PRKG1: variants seen among roughly 807,000 people sequenced by gnomAD.
The protein encoded by PRKG1 is protein kinase cGMP-dependent 1, also known as cGMP-dependent protein kinase 1.
In PRKG1, 35 loss-of-function variants were observed where a neutral mutation model predicts 88.1. The ratio of observed to expected loss-of-function variants is 0.40; its 90% confidence interval spans 0.30 to 0.53. The LOEUF (loss-of-function observed/expected upper bound fraction) is 0.53. Ranked by LOEUF, PRKG1 falls within the 20% of genes least tolerant of loss-of-function variation. PRKG1 has a pLI of 0.59. For missense variants in PRKG1, 540 were observed against 839.8 expected (o/e 0.64, Z 4.41); for synonymous variants, 303 against 292.5 (o/e 1.04, Z -0.37).
At chr10:51,638,581 G>A (rs912461654) in intron 3 of PRKG1, among the ~76,000 whole-genome samples, 1 of 152,100 alleles carries the variant, frequency 6.6e-6, no homozygotes, top group Non-Finnish European at 1.5e-5. Context: ...TGTCTCTGAT[G>A]TTCATGTACT....
At position 51,194,084 on chromosome 10, in the gene PRKG1, T is replaced by G. The variant is rs527347929; in HGVS notation, c.478+40754T>G. Among the ~76,000 whole-genome samples, 8 of 152,290 alleles carry G rather than the reference T, an allele frequency of 5.3e-5. No individual in the cohort carries two copies. The South Asian group carries it at 1.7e-3, about 32-fold the overall frequency. ...ATTTCAAATTGTTTTTCATATCTCT[T>G]AACTATGTTATCACTTTTTCTCATA... is the stretch of plus-strand genomic sequence containing the variant. On this transcript the variant is annotated intron_variant, in intron 2 of 17. Transcript: ENST00000373980.
chr10:51,942,769 A>G (rs1382159655), intron 5 of PRKG1, among the ~76,000 whole-genome samples: 12 of 150,852 alleles, frequency 8.0e-5, no homozygotes, highest in East Asian at 7.8e-4. Flanking sequence ...TTGTAGATAT[A>G]TGGCATTATT....
chr10:51,352,318 C>T (rs1200327663), intron 2 of PRKG1, among the ~76,000 whole-genome samples: 1 of 151,244 alleles, frequency 6.6e-6, no homozygotes, highest in Middle Eastern at 3.2e-3. Flanking sequence ...GATAGCATTG[C>T]CTCTATAAAT....
Position 51,800,024 on chromosome 10 carries a change from A to C in PRKG1, c.593-4561A>C, listed in dbSNP as rs1267728746. Among the ~76,000 whole-genome samples, 4 of 152,106 alleles carry C rather than the reference A, an allele frequency of 2.6e-5. No homozygotes were observed. In the East Asian group the frequency reaches 7.7e-4, roughly 29 times the overall value. On this transcript the variant is annotated intron_variant, in intron 3 of 17. Transcript: ENST00000373980. The stretch of plus-strand genomic sequence containing the variant: ...TAGAGTCAGCTCTAGTAACTGCCAT[A>C]ATTTTGAAGTAGTGATGAATGTAAA...
intron 9 of PRKG1, among the ~76,000 whole-genome samples, chr10:52,216,588 C>T (rs1379115106): frequency 6.6e-6 from 1 of 152,142 alleles, no homozygotes; most frequent in Non-Finnish European, 1.5e-5. Flanking sequence ...GAATTAGATG[C>T]AGTTAATACA....
intron 2 of PRKG1, among the ~76,000 whole-genome samples, chr10:51,170,689 C>A (rs920952609): frequency 3.2e-4 from 43 of 133,548 alleles, no homozygotes; most frequent in African/African-American, 1.2e-3. Context: ...AGCTCTGAGT[C>A]AGGATTATGA....
intron 1 of PRKG1, among the ~76,000 whole-genome samples, chr10:51,151,613 T>C (rs907883408): frequency 3.3e-5 from 5 of 151,738 alleles, no homozygotes; most frequent in Admixed American, 6.6e-5. Flanking sequence ...ATTCTTACTC[T>C]AAAATCAATT....
intron 3 of PRKG1, among the ~76,000 whole-genome samples, chr10:51,474,584 A>G (rs1840141333): frequency 6.6e-6 from 1 of 151,962 alleles, no homozygotes; most frequent in Admixed American, 6.6e-5. Context: ...CATGAGATGA[A>G]ACTTCATGGT....
At chr10:52,020,767 G>T (rs1365262122) in intron 5 of PRKG1, among the ~76,000 whole-genome samples, 1 of 152,056 alleles carries the variant, frequency 6.6e-6, no homozygotes, top group Non-Finnish European at 1.5e-5. Context: ...CCCCTTTCTG[G>T]TGGAGTGCCC....
chr10:51,045,153 G>A (rs1010524120), intron 1 of PRKG1, among the ~76,000 whole-genome samples: 2 of 151,972 alleles, frequency 1.3e-5, no homozygotes, highest in African/African-American at 2.4e-5. Flanking sequence ...AAATTAACAG[G>A]AGCGATCAAA....
intron 1 of PRKG1, among the ~76,000 whole-genome samples, chr10:51,091,923 A>G (rs570354188): frequency 6.6e-6 from 1 of 152,308 alleles, no homozygotes; most frequent in South Asian, 2.1e-4. Context: ...CTGTGCCTAT[A>G]CTAAGAATGA....
chr10:51,526,736 T>G (rs1841894838), intron 3 of PRKG1, among the ~76,000 whole-genome samples: 1 of 152,224 alleles, frequency 6.6e-6, no homozygotes, highest in African/African-American at 2.4e-5. Flanking sequence ...ACTCCTCATT[T>G]CTGACCTTCA....
chr10:52,147,605 G>T (rs1365595182), intron 8 of PRKG1, among the ~76,000 whole-genome samples: 1 of 152,194 alleles, frequency 6.6e-6, no homozygotes, highest in African/African-American at 2.4e-5. Flanking sequence ...GGAAAGCGTG[G>T]TTGTGTTTGG....
At chr10:51,601,685 T>TA (rs1838604954) in intron 3 of PRKG1, among the ~76,000 whole-genome samples, 2 of 149,534 alleles carry the variant, frequency 1.3e-5, no homozygotes, top group East Asian at 4.0e-4. Flanking sequence ...TGTCATTTTT[T>TA]ATCACCATTA....
intron 5 of PRKG1, among the ~76,000 whole-genome samples, chr10:51,934,066 C>T (rs886640265): frequency 6.6e-6 from 1 of 152,056 alleles, no homozygotes. Flanking sequence ...GCTAGAAATG[C>T]ACTTTCCTGG....
intron 6 of PRKG1, among the ~76,000 whole-genome samples, chr10:52,059,648 A>G (rs1204418675): frequency 6.6e-6 from 1 of 151,938 alleles, no homozygotes; most frequent in African/African-American, 2.4e-5. Context: ...CTATAAATAC[A>G]TAGCGTGAAG....
At chr10:51,761,858 T>C (rs1564636648) in intron 3 of PRKG1, among the ~76,000 whole-genome samples, 1 of 152,212 alleles carries the variant, frequency 6.6e-6, no homozygotes, top group Non-Finnish European at 1.5e-5. Flanking sequence ...AACATTTACA[T>C]AGAATTCAAA....
chr10:52,279,868 G>GA (rs928699303), intron 12 of PRKG1, among the ~76,000 whole-genome samples: 6 of 133,708 alleles, frequency 4.5e-5, no homozygotes, highest in African/African-American at 1.1e-4. Context: ...ACTCGGGAAA[G>GA]AAAAAAAAAG....
intron 4 of PRKG1, among the ~76,000 whole-genome samples, chr10:51,846,459 A>T (rs1840400852): frequency 6.6e-6 from 1 of 152,144 alleles, no homozygotes; most frequent in Non-Finnish European, 1.5e-5. Flanking sequence ...AATAAAAGAA[A>T]ATGGTAATAG....
Sources: allele counts gnomAD v4.1 joint callset (sites outside exome capture counted in the v4.1 genomes callset), GRCh38; gene constraint gnomAD v4.1.1; transcripts MANE v1.5; gene names NCBI Gene and HGNC (gene_info 2026-07-23, HGNC 2026-07-21).